The following APBB1IP variants were observed in gnomAD, a reference collection of about 807,000 sequenced individuals.
APBB1IP encodes the protein amyloid beta A4 precursor protein-binding family B member 1-interacting protein.
In APBB1IP, 27 loss-of-function variants were observed where a neutral mutation model predicts 64.9. The ratio of observed to expected loss-of-function variants is 0.42; its 90% CI spans 0.31 to 0.57. The LOEUF is 0.57. APBB1IP is among the 20% of genes least tolerant of loss of function. The pLI is 0.20. For synonymous variants in APBB1IP, 392 were observed against 331.0 expected (o/e 1.18, Z -2.00); for missense variants, 812 against 845.5 (o/e 0.96, Z 0.49).
chr10:26,567,271 G>T lies in APBB1IP; in HGVS notation c.1784G>T (p.Gly595Val). Residue 595 changes from glycine (G) to valine (V), a missense_variant, in exon 15 of 15, where the codon GGC (glycine) becomes GTC (valine). Physicochemically the swap from Gly to Val is moderately radical, Grantham distance 109. Around this residue, in one of 3 missense-constraint regions of APBB1IP, gnomAD observed 381 missense variants for 352.1 expected, o/e 1.08. Coordinates refer to ENST00000376236, the MANE Select transcript of APBB1IP (RefSeq NM_019043.4). ...PPPPSYAGIA[G>V]SELPPPPPPP... ...CCGCCGTCGTACGCAGGGATCGCGGGCTCAGAGCTGCCCCCGCCGCCGCCG... is the reference window on the plus strand; with the variant it reads ...CCGCCGTCGTACGCAGGGATCGCGGTCTCAGAGCTGCCCCCGCCGCCGCCG... 8.2e-7 allele frequency: 1 copy of T among 1,216,550 alleles called. No individual in the cohort carries two copies. 75.4% of individuals were successfully genotyped at this position (1,216,550 alleles called of 1,614,324 possible).
intron 6 of APBB1IP, among the ~76,000 whole-genome samples, chr10:26,506,967 T>C (rs954851619): frequency 6.6e-6 from 1 of 151,800 alleles, no homozygotes; most frequent in African/African-American, 2.4e-5. Flanking sequence ...TGGATGCATG[T>C]GGGTGTGGTG....
intron 11 of APBB1IP, among the ~76,000 whole-genome samples, chr10:26,546,978 T>C (rs1046212439): frequency 2.0e-5 from 3 of 152,224 alleles, no homozygotes; most frequent in Non-Finnish European, 4.4e-5. Context: ...TCCATACTGT[T>C]TTCTGTAATG....
At chr10:26,480,233 A>G (rs1447153319) in intron 2 of APBB1IP, among the ~76,000 whole-genome samples, 1 of 152,180 alleles carries the variant, frequency 6.6e-6, no homozygotes, top group Non-Finnish European at 1.5e-5. Context: ...AAGTGGAGAT[A>G]GTGCTGGTAG....
At chr10:26,530,619 G>T (rs921769404) in intron 8 of APBB1IP, among the ~76,000 whole-genome samples, 2 of 151,692 alleles carry the variant, frequency 1.3e-5, no homozygotes, top group African/African-American at 4.8e-5. Context: ...GAACCCAGGA[G>T]TTGGAGGTTG....
intron 8 of APBB1IP, among the ~76,000 whole-genome samples, chr10:26,523,256 C>T (rs1276888613): frequency 6.6e-6 from 1 of 152,184 alleles, no homozygotes; most frequent in Non-Finnish European, 1.5e-5. Flanking sequence ...CTTTGAACTC[C>T]TTCCAAGGTA....
chr10:26,454,369 A>AGG (rs2132401140), intron 2 of APBB1IP, among the ~76,000 whole-genome samples: 1 of 152,260 alleles, frequency 6.6e-6, no homozygotes, highest in Admixed American at 6.5e-5. Flanking sequence ...TGAACCCAGG[A>AGG]GGCAGAGGTT....
chr10:26,477,692 G>A (rs1012071229), intron 2 of APBB1IP, among the ~76,000 whole-genome samples: 1 of 152,166 alleles, frequency 6.6e-6, no homozygotes, highest in Admixed American at 6.5e-5. Flanking sequence ...CGAATAACAC[G>A]GCCTCGACTC....
Position 26,543,936 on chromosome 10 carries a change from C to T in APBB1IP, c.1155+2244C>T, listed in dbSNP as rs12779963. On this transcript the variant is annotated intron_variant, in intron 11 of 14. Coordinates refer to ENST00000376236, the MANE Select transcript of APBB1IP (RefSeq NM_019043.4). ...GGAGCATGCCCTGCCTGATTCTGCTCCTCGCCCCTCCTTGTCTGTTCCTGA... is the reference window on the plus strand; with the variant it reads ...GGAGCATGCCCTGCCTGATTCTGCTTCTCGCCCCTCCTTGTCTGTTCCTGA... Among the ~76,000 whole-genome samples, 398 of 152,324 alleles carry T rather than the reference C, an allele frequency of 2.6e-3. 6 individuals carry two copies. The highest frequency in any genetic ancestry group is 0.013 in the South Asian group (62 of 4,826).
chr10:26,494,934 C>G (rs1472167983), intron 3 of APBB1IP, among the ~76,000 whole-genome samples: 1 of 151,928 alleles, frequency 6.6e-6, no homozygotes. Flanking sequence ...AGATACAAGA[C>G]AGTTGGCTTA....
Position 26,563,146 on chromosome 10 carries a change from G to A in APBB1IP, c.1473+717G>A, listed in dbSNP as rs989262649. Among the ~76,000 whole-genome samples, 7 of 152,222 alleles carry A rather than the reference G, an allele frequency of 4.6e-5. No homozygotes were observed. The East Asian group carries it at 1.2e-3, about 25-fold the overall frequency. ...CTAGTAGTCTGAAGCCCTATATGAA[G>A]TGCTAACTGGCCCCCAAAATCAGAT... On this transcript the variant is annotated intron_variant, in intron 14 of 14. Transcript: ENST00000376236.
chr10:26,521,259 A>T (rs1274949428), intron 8 of APBB1IP, among the ~76,000 whole-genome samples: 2 of 152,138 alleles, frequency 1.3e-5, no homozygotes, highest in Non-Finnish European at 2.9e-5. Context: ...CCACTGCTGA[A>T]ATCTGAGTGC....
At chr10:26,522,516 A>G (rs148003196) in intron 8 of APBB1IP, among the ~76,000 whole-genome samples, 27 of 152,050 alleles carry the variant, frequency 1.8e-4, no homozygotes, top group African/African-American at 6.5e-4. Flanking sequence ...ACAAAGATTT[A>G]TCCTATTGTA....
At position 26,536,345 on chromosome 10, in the gene APBB1IP, T is replaced by C. The variant is rs900534638; in HGVS notation, c.1044+128T>C. 13 of 1,024,722 alleles carry C rather than the reference T, an allele frequency of 1.3e-5. No homozygotes were observed. The Admixed American group carries it at 2.6e-4, about 21-fold the overall frequency. The allele number at this position is 1,024,722 out of a possible 1,614,324, so 63.5% of individuals were successfully genotyped here. On this transcript the variant is annotated intron_variant, in intron 10 of 14. Coordinates refer to ENST00000376236, the MANE Select transcript of APBB1IP (RefSeq NM_019043.4). ...AGATTCCATAATCCTGCAACATGTA[T>C]ACAAATAGGACAGTATTATTGAAAT...
chr10:26,549,993 T>C (rs938501691), intron 11 of APBB1IP, among the ~76,000 whole-genome samples: 2 of 152,050 alleles, frequency 1.3e-5, no homozygotes, highest in Admixed American at 1.3e-4. Context: ...CCTTCATTTC[T>C]GAAGAATAGC....
intron 2 of APBB1IP, among the ~76,000 whole-genome samples, chr10:26,440,232 T>G (rs1277073225): frequency 7.2e-5 from 11 of 152,194 alleles, no homozygotes; most frequent in Admixed American, 2.0e-4. Context: ...GCATAACTTC[T>G]CCCTGGACTT....
chr10:26,543,340 G>A (rs570418432), intron 11 of APBB1IP, among the ~76,000 whole-genome samples: 3 of 151,814 alleles, frequency 2.0e-5, no homozygotes, highest in South Asian at 2.1e-4. Flanking sequence ...GGTGGTGCAC[G>A]CCTTTAGTCC....
intron 8 of APBB1IP, among the ~76,000 whole-genome samples, chr10:26,532,315 A>C (rs1042287717): frequency 1.3e-5 from 2 of 152,150 alleles, no homozygotes; most frequent in African/African-American, 4.8e-5. Context: ...CCTCAGCTGC[A>C]CTTATTGTGT....
intron 2 of APBB1IP, among the ~76,000 whole-genome samples, chr10:26,490,686 T>C (rs955470646): frequency 6.6e-6 from 1 of 152,190 alleles, no homozygotes; most frequent in Non-Finnish European, 1.5e-5. Context: ...GAAATATTTA[T>C]GGAAAAATAA....
intron 2 of APBB1IP, among the ~76,000 whole-genome samples, chr10:26,470,724 T>C (rs1393995569): frequency 6.6e-6 from 1 of 152,154 alleles, no homozygotes; most frequent in East Asian, 1.9e-4. Context: ...CTTAGTCCCA[T>C]TGTAAGTTGA....
Sources: allele counts gnomAD v4.1 joint callset (sites outside exome capture counted in the v4.1 genomes callset), GRCh38; gene constraint gnomAD v4.1.1; regional missense constraint gnomAD v4.1.1; transcripts MANE v1.5; gene names NCBI Gene and HGNC (gene_info 2026-07-23, HGNC 2026-07-21).